The following MYOCD variants were observed in gnomAD, a reference collection of about 807,000 sequenced individuals.
MYOCD encodes the protein myocardin.
A neutral mutation model predicts 96.1 loss-of-function variants in MYOCD; 32 were observed. That is an observed-to-expected ratio of 0.33 (90% confidence interval 0.25 to 0.45). The LOEUF (loss-of-function observed/expected upper bound fraction) is 0.45. MYOCD is among the 20% of genes least tolerant of loss of function. The pLI is 1.00. For missense variants in MYOCD, 1,133 were observed against 1,200.6 expected (o/e 0.94, Z 0.83); for synonymous variants, 469 against 469.0 (o/e 1.00, Z 0.00).
intron 5 of MYOCD, among the ~76,000 whole-genome samples, chr17:12,728,531 G>A (rs1016356256): frequency 1.3e-5 from 2 of 152,166 alleles, no homozygotes; most frequent in African/African-American, 4.8e-5. Flanking sequence ...CCAGGCTGGA[G>A]TGCAATGGCA....
At chr17:12,681,797 G>A (rs1008245109) in intron 1 of MYOCD, among the ~76,000 whole-genome samples, 1 of 152,120 alleles carries the variant, frequency 6.6e-6, no homozygotes, top group Non-Finnish European at 1.5e-5. Context: ...TGAGACCATC[G>A]AGGGCTACCT....
chr17:12,762,884 G>A, intron 13 of MYOCD, 189 bp from the exon 14 acceptor site: 1 of 581,214 alleles, frequency 1.7e-6, no homozygotes, highest in Admixed American at 3.2e-5. Flanking sequence ...TTCCCAAGAG[G>A]AAAGGGTTTG....
chr17:12,741,827 C>T (rs968165156), intron 7 of MYOCD, among the ~76,000 whole-genome samples: 2 of 152,060 alleles, frequency 1.3e-5, no homozygotes, highest in Non-Finnish European at 2.9e-5. Flanking sequence ...CTTACAGACA[C>T]CCAGCTGGTC....
intron 1 of MYOCD, among the ~76,000 whole-genome samples, chr17:12,703,867 T>C (rs566544127): frequency 6.6e-6 from 1 of 152,300 alleles, no homozygotes; most frequent in South Asian, 2.1e-4. Context: ...ATTCCAAATA[T>C]TGTATTGTTA....
intron 1 of MYOCD, among the ~76,000 whole-genome samples, chr17:12,675,389 C>T (rs147586465): frequency 6.6e-5 from 10 of 152,022 alleles, no homozygotes; most frequent in Admixed American, 3.3e-4. Flanking sequence ...TGTAAGGGAA[C>T]GATTCATTAA....
chr17:12,670,377 C>T (rs1393799127), intron 1 of MYOCD, among the ~76,000 whole-genome samples: 1 of 152,166 alleles, frequency 6.6e-6, no homozygotes, highest in Non-Finnish European at 1.5e-5. Context: ...TATTCTCCAT[C>T]CTTCAGACAA....
At chr17:12,722,720 C>T (rs2031876068) in intron 4 of MYOCD, 127 bp from the exon 5 acceptor site, 9 of 732,008 alleles carry the variant, frequency 1.2e-5, no homozygotes, top group Admixed American at 5.1e-5. Context: ...ATGATTGCAT[C>T]GAAAAATTAT....
At chr17:12,726,633 A>C (rs764599089) in intron 5 of MYOCD, among the ~76,000 whole-genome samples, 24 of 152,334 alleles carry the variant, frequency 1.6e-4, no homozygotes, top group Non-Finnish European at 3.1e-4. Context: ...GTTTTTGATA[A>C]GTAGCTAGTC....
At chr17:12,724,625 C>G (rs998685712) in intron 5 of MYOCD, among the ~76,000 whole-genome samples, 1 of 151,956 alleles carries the variant, frequency 6.6e-6, no homozygotes, top group Non-Finnish European at 1.5e-5. Flanking sequence ...AAAATATTTC[C>G]TAACTTAAAA....
chr17:12,717,372 C>G lies in MYOCD; in HGVS notation c.204C>G (p.Ala68=). ...CTAAAAATTCCCTGAAGCGCAAAGC[C>G]AGAAACAGGTGCAACAGTGCCGACT... ...DKAKNSLKRK[A]RNRCNSADLV... Residue 68 remains alanine, a synonymous_variant, in exon 4 of 14, where the codon GCC becomes GCG. Coordinates refer to ENST00000425538, the MANE Select transcript of MYOCD (RefSeq NM_001146312.3). 1.2e-6 allele frequency: 2 copies of G among 1,613,970 alleles called. No individual in the cohort carries two copies. Among genetic ancestry groups the G allele is most frequent in the African/African-American group, 2.7e-5 (2 of 75,010 alleles).
intron 11 of MYOCD, among the ~76,000 whole-genome samples, chr17:12,757,402 G>A (rs1597814649): frequency 1.3e-5 from 2 of 152,184 alleles, no homozygotes; most frequent in Non-Finnish European, 2.9e-5. Context: ...AGAGACCTCA[G>A]CAATGCCTCC....
At chr17:12,731,699 G>C (rs1041116865) in intron 5 of MYOCD, among the ~76,000 whole-genome samples, 10 of 152,148 alleles carry the variant, frequency 6.6e-5, no homozygotes, top group African/African-American at 2.4e-4. Flanking sequence ...CTTGCCAACT[G>C]TCACGCTATC....
chr17:12,751,189 C>T (rs765102086), intron 9 of MYOCD, among the ~76,000 whole-genome samples: 16 of 151,794 alleles, frequency 1.1e-4, no homozygotes, highest in Non-Finnish European at 1.6e-4. Flanking sequence ...GTTTATGTGG[C>T]ATATTTAGAA....
chr17:12,748,179 CA>C (rs1444270669), intron 9 of MYOCD, among the ~76,000 whole-genome samples: 2 of 114,028 alleles, frequency 1.8e-5, no homozygotes, highest in Non-Finnish European at 3.8e-5. Flanking sequence ...AAAAAAAAAA[CA>C]AAAAAACAAA....
chr17:12,759,374 A>G (rs547405590), intron 12 of MYOCD, among the ~76,000 whole-genome samples: 11 of 152,344 alleles, frequency 7.2e-5, no homozygotes, highest in African/African-American at 2.6e-4. Context: ...ACTTTGAGCC[A>G]CAGCTATGCT....
rs952565560 is a variant in MYOCD, at chr17:12,700,399, A to ATTTTTTTTTTTTTTTTTTTTT, written c.56-4720_56-4700dup. 5.2e-5 allele frequency among the ~76,000 whole-genome samples: 4 copies of ATTTTTTTTTTTTTTTTTTTTT among 76,892 alleles called. 1 individual carries two copies. The highest frequency in any genetic ancestry group is 6.8e-5 in the Non-Finnish European group (3 of 44,356). 50.4% of individuals were successfully genotyped at this position (76,892 alleles called of 152,430 possible). ...ATTGGCTAACTCTAGCAATGGGAGA[A>ATTTTTTTTTTTTTTTTTTTTT]TTTTTTTTTTTTTTTTTTTTTTTTT... On this transcript the variant is annotated intron_variant, in intron 1 of 13. Transcript: ENST00000425538.
At chr17:12,740,659 T>C (rs928919781) in intron 7 of MYOCD, among the ~76,000 whole-genome samples, 2 of 152,186 alleles carry the variant, frequency 1.3e-5, no homozygotes, top group African/African-American at 4.8e-5. Context: ...GTACACAGGC[T>C]GCTCTCTCTT....
intron 8 of MYOCD, among the ~76,000 whole-genome samples, chr17:12,744,973 A>G (rs1017091436): frequency 2.6e-5 from 4 of 152,194 alleles, no homozygotes; most frequent in African/African-American, 9.6e-5. Flanking sequence ...GCTATAAATC[A>G]ATGCCCTTGA....
chr17:12,711,770 A>G (rs774885304), intron 2 of MYOCD, among the ~76,000 whole-genome samples: 8 of 152,082 alleles, frequency 5.3e-5, no homozygotes, highest in Non-Finnish European at 7.4e-5. Context: ...CTAGATCAAG[A>G]TCCACTGGAC....
Sources: gnomAD v4.1 joint callset for allele counts (sites outside exome capture counted in the v4.1 genomes callset) on GRCh38, gnomAD v4.1.1 for gene constraint, MANE v1.5 for transcripts, NCBI Gene and HGNC (gene_info 2026-07-23, HGNC 2026-07-21) for gene names.